The following PPL variants were observed in gnomAD, a reference collection of about 807,000 sequenced individuals.
The protein encoded by PPL is periplakin.
A neutral mutation model predicts 194.4 loss-of-function variants in PPL; 198 were observed. That is an observed-to-expected ratio of 1.02 (90% CI 0.91 to 1.15). The LOEUF (loss-of-function observed/expected upper bound fraction) is 1.15. Ranked by LOEUF, PPL falls within the 50% of genes most tolerant of loss-of-function variation. PPL has a pLI of 0.00. For synonymous variants in PPL, 1,220 were observed against 972.4 expected (o/e 1.25, Z -4.74); for missense variants, 2,885 against 2,294.8 (o/e 1.26, Z -5.25).
In PPL at chr16:4,883,918, G is replaced by C. The variant is rs1268524741; in HGVS notation, c.4737C>G (p.Thr1579=). The C allele has an allele frequency of 1.9e-6, 3 of 1,613,868 alleles. No individual in the cohort carries two copies. The highest frequency in any genetic ancestry group is 2.7e-5 in the African/African-American group (2 of 74,914). ...QLERQNLQLE[T]RRLQSEINMA... ...TGTTGATTTCCGATTGGAGCCTTCG[G>C]GTCTCCAGCTGCAGGTTTTGCCTCT... Residue 1579 remains threonine, a synonymous_variant, in exon 22 of 22, where the codon ACC becomes ACG. Coordinates refer to ENST00000345988, the MANE Select transcript of PPL (RefSeq NM_002705.5). The surrounding 1 kb of genome is among the most constrained non-coding windows in gnomAD (Gnocchi z 4.8).
At position 4,883,875 on chromosome 16, in the gene PPL, G is replaced by A. The variant is rs201804659; in HGVS notation, c.4780C>T (p.Arg1594Ter). ...GCCACGGTCATGTTCCGCAGGTCTCGTGTTTCCGTCGCTGCCATGTTGATT... is the reference window on the plus strand; with the variant it reads ...GCCACGGTCATGTTCCGCAGGTCTCATGTTTCCGTCGCTGCCATGTTGATT... ...SEINMAATET[R>*]DLRNMTVADS... The change falls in exon 22 of 22, where the codon CGA (arginine) becomes TGA (stop). Residue 1594 changes from arginine (R) to a stop codon, truncating the protein, a stop_gained. Coordinates refer to ENST00000345988, the MANE Select transcript of PPL (RefSeq NM_002705.5). LOFTEE classifies it high-confidence loss of function. The surrounding 1 kb of genome is among the most constrained non-coding windows in gnomAD (Gnocchi z 4.8). The A allele has an allele frequency of 9.3e-6, 15 of 1,613,984 alleles. No individual in the cohort carries two copies. The Admixed American group carries it at 1.3e-4, about 14-fold the overall frequency.
Position 4,883,599 on chromosome 16 carries a change from C to T in PPL, c.5056G>A (p.Val1686Met), listed in dbSNP as rs903803987. ...RAGLIDWNMFVKLRSQECDWE... is the reference protein window; with the variant it reads ...RAGLIDWNMFMKLRSQECDWE... The stretch of plus-strand genomic sequence containing the variant: ...TCGCACTCCTGGCTTCTGAGTTTCA[C>T]GAACATGTTCCAGTCAATGAGCCCG... The change falls in exon 22 of 22, where the codon GTG (valine) becomes ATG (methionine). Residue 1686 changes from valine to methionine, a missense_variant. Val to Met is a conservative substitution (Grantham distance 21). Coordinates refer to ENST00000345988, the MANE Select transcript of PPL (RefSeq NM_002705.5). The surrounding 1 kb of genome is among the most constrained non-coding windows in gnomAD (Gnocchi z 4.8). 2.2e-5 allele frequency: 35 copies of T among 1,614,062 alleles called. No individual in the cohort carries two copies. The Middle Eastern group carries it at 8.2e-4, about 38-fold the overall frequency.
intron 1 of PPL, among the ~76,000 whole-genome samples, chr16:4,936,062 G>A (rs1325521093): frequency 2.0e-5 from 3 of 152,150 alleles, no homozygotes; most frequent in Non-Finnish European, 4.4e-5. Flanking sequence ...ATCTCCACCA[G>A]GCTCCCCTAA....
At position 4,893,207 on chromosome 16, in the gene PPL, A is replaced by G. The variant is rs752732874; in HGVS notation, c.1650+6T>C. The G allele has an allele frequency of 6.5e-7, 1 of 1,550,304 alleles. No individual in the cohort carries two copies. Among genetic ancestry groups the G allele is most frequent in the Non-Finnish European group, 8.7e-7 (1 of 1,150,456 alleles). On this transcript the variant is annotated splice_donor_region_variant and intron_variant, in intron 14 of 21. Transcript: ENST00000345988. ...GGCCCCACCTGTGCTCCTGACCCGC[A>G]GGTACCTTGAGGTCCTTGGCCCGCT... is the stretch of plus-strand genomic sequence containing the variant.
Position 4,883,357 on chromosome 16 carries a change from C to T in PPL, c.*27G>A, listed in dbSNP as rs745847776. The stretch of plus-strand genomic sequence containing the variant: ...GTCGTAGGAGAGGGCCAGCGTCTGC[C>T]GTTACGAAGAGTTGCAAGAGCTGTG... On this transcript the variant is annotated 3_prime_UTR_variant, in exon 22 of 22. Transcript: ENST00000345988. This position sits in a 1 kb window ranked among gnomAD's most constrained non-coding sequence, Gnocchi z 4.8. 50 of 1,612,016 alleles carry T rather than the reference C, an allele frequency of 3.1e-5. No individual in the cohort carries two copies. The highest frequency in any genetic ancestry group is 3.6e-4 in the Middle Eastern group (2 of 5,584).
In PPL at chr16:4,884,888, A is replaced by G; in HGVS notation, c.3767T>C (p.Val1256Ala). ...KELQRLREEI[V>A]DKTRLIERCD... ...CCTTTCGATCAGTCTGGTCTTGTCC[A>G]CGATCTCCTCCCTGAGCCGCTGAAG... The change falls in exon 22 of 22, where the codon GTG (valine) becomes GCG (alanine). Residue 1256 changes from valine (V) to alanine (A), a missense_variant. Val to Ala is a moderately conservative substitution (Grantham distance 64). Transcript: ENST00000345988. This position sits in a 1 kb window ranked among gnomAD's most constrained non-coding sequence, Gnocchi z 5.7. The G allele has an allele frequency of 1.2e-6, 2 of 1,613,978 alleles. No homozygotes were observed. The highest frequency in any genetic ancestry group is 4.5e-5 in the East Asian group (2 of 44,874).
chr16:4,926,292 A>C (rs1186859634), intron 1 of PPL, among the ~76,000 whole-genome samples: 3 of 152,192 alleles, frequency 2.0e-5, no homozygotes. Flanking sequence ...ATATTCAGTA[A>C]TTGCCAAATA....
intron 16 of PPL, 22 bp from the exon 17 acceptor site, chr16:4,890,943 C>T (rs767359341): frequency 1.9e-5 from 29 of 1,495,170 alleles, no homozygotes; most frequent in East Asian, 7.5e-5. Context: ...GAGGAGGAGA[C>T]GGCGGTGCTA....
At chr16:4,913,805 C>G (rs1045196058) in intron 1 of PPL, among the ~76,000 whole-genome samples, 2 of 152,234 alleles carry the variant, frequency 1.3e-5, no homozygotes, top group African/African-American at 4.8e-5. Context: ...CACTGAAGAC[C>G]CACAGTGGGG....
chr16:4,927,414 G>C (rs186255281), intron 1 of PPL, among the ~76,000 whole-genome samples: 369 of 152,330 alleles, frequency 2.4e-3, no homozygotes, highest in African/African-American at 6.6e-3. Flanking sequence ...TGACTTAACT[G>C]GTCTTGGAAA....
chr16:4,895,544 G>GAGGGGTCCCCCGCCCCCCGGGCCAGC, intron 10 of PPL, 50 bp downstream of exon 10: 1 of 1,612,162 alleles, frequency 6.2e-7, no homozygotes, highest in African/African-American at 1.3e-5. Context: ...GCATGGTGTA[G>GAGGGGTCCCCCGCCCCCCGGGCCAGC]AGGGGTCCCC....
intron 11 of PPL, 110 bp from the exon 12 acceptor site, chr16:4,894,728 C>G: frequency 7.8e-7 from 1 of 1,289,568 alleles, no homozygotes; most frequent in Non-Finnish European, 1.1e-6. Flanking sequence ...CGGCTCATCA[C>G]TTGGACCCTC....
chr16:4,936,970 G>T lies in PPL; in HGVS notation c.62+14C>A. The T allele has an allele frequency of 6.3e-6, 10 of 1,585,680 alleles. No homozygotes were observed. Among genetic ancestry groups the T allele is most frequent in the Non-Finnish European group, 8.6e-6 (10 of 1,166,642 alleles). On this transcript the variant is annotated intron_variant, in intron 1 of 21. Coordinates refer to ENST00000345988, the MANE Select transcript of PPL (RefSeq NM_002705.5). ...CAAGAGCGTCCCGGAGCGGAGCTGT[G>T]GGCGCCTCCTCACCTCCGGGTCTGC... is the stretch of plus-strand genomic sequence containing the variant.
In PPL at chr16:4,884,433, G is replaced by A. The variant is rs748126316; in HGVS notation, c.4222C>T (p.Arg1408Cys). ...GCCTCCCTGCGGGCCTGCCGCTCGCGCTCTAGCTCCTCCAGCTGCCGCTCA... is the reference window on the plus strand; with the variant it reads ...GCCTCCCTGCGGGCCTGCCGCTCGCACTCTAGCTCCTCCAGCTGCCGCTCA... ...ELERQLEELE[R>C]ERQARREAER... The change falls in exon 22 of 22, where the codon CGC (arginine) becomes TGC (cysteine). Residue 1408 changes from arginine to cysteine, a missense_variant. Coordinates refer to ENST00000345988, the MANE Select transcript of PPL (RefSeq NM_002705.5). This position sits in a 1 kb window ranked among gnomAD's most constrained non-coding sequence, Gnocchi z 5.7. 15 of 1,602,152 alleles carry A rather than the reference G, an allele frequency of 9.4e-6. No individual in the cohort carries two copies. The highest frequency in any genetic ancestry group is 4.5e-5 in the East Asian group (2 of 44,778).
chr16:4,911,679 C>T lies in PPL; in HGVS notation c.63-730G>A, dbSNP rs937386576. ...CCTCCCAAGTAGCTGGGACTACAGG[C>T]ACATGCCACCACTCCTGCATAACTT... On this transcript the variant is annotated intron_variant, in intron 1 of 21. Coordinates refer to ENST00000345988, the MANE Select transcript of PPL (RefSeq NM_002705.5). Among the ~76,000 whole-genome samples, 3 of 152,044 alleles carry T rather than the reference C, an allele frequency of 2.0e-5. No individual in the cohort carries two copies. The East Asian group carries it at 5.8e-4, about 29-fold the overall frequency.
chr16:4,897,534 G>A lies in PPL; in HGVS notation c.972+141C>T, dbSNP rs542605442. 1.8e-4 allele frequency: 112 copies of A among 627,780 alleles called. No homozygotes were observed. The African/African-American group carries it at 1.9e-3, about 11-fold the overall frequency. The allele number at this position is 627,780 out of a possible 1,614,324, so 38.9% of individuals were successfully genotyped here. ...TGTCTGCACACGCCATCAGAAGCAT[G>A]GGTGCTGGGGGCCTGGGATGGCTGC... On this transcript the variant is annotated intron_variant, in intron 9 of 21. Coordinates refer to ENST00000345988, the MANE Select transcript of PPL (RefSeq NM_002705.5).
rs762926411 is a variant in PPL at position 4,884,656 on chromosome 16, T to C, written c.3999A>G (p.Glu1333=). The C allele has an allele frequency of 1.2e-6, 2 of 1,613,972 alleles. No homozygotes were observed. Among genetic ancestry groups the C allele is most frequent in the Non-Finnish European group, 1.7e-6 (2 of 1,180,016 alleles). ...CCTCCTCTTTCCGGGCGATCTGCTC[T>C]TCCTGGGAAGCTCTTTCCCTCTCCA... is the stretch of plus-strand genomic sequence containing the variant. ...VDLERERASQ[E]EQIARKEEEL... Residue 1333 remains glutamate (E), a synonymous_variant, in exon 22 of 22, where the codon GAA becomes GAG. Transcript: ENST00000345988. This position sits in a 1 kb window ranked among gnomAD's most constrained non-coding sequence, Gnocchi z 5.7.
chr16:4,911,080 G>A (rs984443546), intron 1 of PPL, 131 bp from the exon 2 acceptor site: 1 of 678,882 alleles, frequency 1.5e-6, no homozygotes, highest in Non-Finnish European at 2.5e-6. Context: ...AGCCTTTGAG[G>A]TAGTTGGGCT....
intron 1 of PPL, among the ~76,000 whole-genome samples, chr16:4,932,602 G>C (rs1036859528): frequency 6.6e-6 from 1 of 151,970 alleles, no homozygotes; most frequent in Non-Finnish European, 1.5e-5. Flanking sequence ...TATTTTTGTA[G>C]AGATGGGATT....
Sources: allele counts gnomAD v4.1 joint callset (sites outside exome capture counted in the v4.1 genomes callset), GRCh38; gene constraint gnomAD v4.1.1; non-coding constraint Gnocchi (gnomAD v3.1); transcripts MANE v1.5; gene names NCBI Gene and HGNC (gene_info 2026-07-23, HGNC 2026-07-21).